The following NRG2 variants were observed in gnomAD, a reference collection of about 807,000 sequenced individuals.
NRG2 encodes pro-neuregulin-2, membrane-bound isoform.
NRG2 carries 27 observed loss-of-function variants against 73.9 expected under a neutral mutation model. That is an observed-to-expected ratio of 0.37 (90% CI 0.27 to 0.50). The LOEUF (loss-of-function observed/expected upper bound fraction) is 0.50. Among genes scored for constraint, NRG2 ranks in the 20% least tolerant of loss-of-function variants. The probability of loss-of-function intolerance (pLI) is 0.96; values close to 1 mark genes in which losing one functional copy is unlikely to be tolerated. For synonymous variants in NRG2, 532 were observed against 541.0 expected (o/e 0.98, Z 0.23); for missense variants, 1,126 against 1,210.1 (o/e 0.93, Z 1.03).
chr5:139,867,513 A>G (rs1044069906), intron 4 of NRG2, among the ~76,000 whole-genome samples: 2 of 152,120 alleles, frequency 1.3e-5, no homozygotes, highest in Non-Finnish European at 2.9e-5. Context: ...GCTCAGGTAA[A>G]TGGAGGTAGT....
intron 1 of NRG2, among the ~76,000 whole-genome samples, chr5:139,955,441 G>A (rs1754547976): frequency 6.6e-6 from 1 of 152,154 alleles, no homozygotes; most frequent in African/African-American, 2.4e-5. Context: ...GGGAGGAATA[G>A]TGAAAGCTGA....
At chr5:140,017,205 T>C (rs1759857044) in intron 1 of NRG2, among the ~76,000 whole-genome samples, 1 of 151,916 alleles carries the variant, frequency 6.6e-6, no homozygotes, top group East Asian at 1.9e-4. Flanking sequence ...GGGGAGTGGG[T>C]AAGAAAGAAG....
intron 1 of NRG2, among the ~76,000 whole-genome samples, chr5:139,952,845 G>A (rs144131567): frequency 6.6e-6 from 1 of 152,286 alleles, no homozygotes; most frequent in African/African-American, 2.4e-5. Context: ...GAGGCTGCAG[G>A]CCTGGGTTCA....
At chr5:139,888,115 AACACACACAC>A in intron 1 of NRG2, among the ~76,000 whole-genome samples, 1 of 148,906 alleles carries the variant, frequency 6.7e-6, no homozygotes, top group East Asian at 2.0e-4. Flanking sequence ...AAAACAAAAC[AACACACACAC>A]ACACACACAC....
At position 139,894,080 on chromosome 5, in the gene NRG2, C is replaced by G. The variant is rs184275314; in HGVS notation, c.701-6569G>C. Among the ~76,000 whole-genome samples the G allele has an allele frequency of 2.5e-3, 378 of 152,350 alleles. No homozygotes were observed. Among genetic ancestry groups the G allele is most frequent in the African/African-American group, 8.9e-3 (370 of 41,584 alleles). ...GACCAGGGGGTGCCGCTGCTGCCAG[C>G]AGCTTAACCTCATTCCTCTCGGCAG... On this transcript the variant is annotated intron_variant, in intron 1 of 9. Transcript: ENST00000361474. The surrounding 1 kb of genome is among the most constrained non-coding windows in gnomAD (Gnocchi z 5.0).
At chr5:140,001,291 C>T (rs1362386446) in intron 1 of NRG2, among the ~76,000 whole-genome samples, 2 of 152,168 alleles carry the variant, frequency 1.3e-5, no homozygotes, top group Admixed American at 1.3e-4. Flanking sequence ...CCACGGTGCC[C>T]CATACTTAAG....
At chr5:139,961,089 A>T (rs976387780) in intron 1 of NRG2, among the ~76,000 whole-genome samples, 2 of 152,228 alleles carry the variant, frequency 1.3e-5, no homozygotes, top group Admixed American at 1.3e-4. Context: ...CTGCTATTAC[A>T]GCTAATGACA....
chr5:139,865,075 A>T lies in NRG2; in HGVS notation c.1189+474T>A. Reference sequence around the variant, plus strand: ...CATCCCTCCCCAGGGGGAGACTGTCAGTCACCAGGGAAGAGAAGAAATAGA... The same window carrying T: ...CATCCCTCCCCAGGGGGAGACTGTCTGTCACCAGGGAAGAGAAGAAATAGA... On this transcript the variant is annotated intron_variant, in intron 5 of 9. Coordinates refer to ENST00000361474, the MANE Select transcript of NRG2 (RefSeq NM_004883.3). This position sits in a 1 kb window ranked among gnomAD's most constrained non-coding sequence, Gnocchi z 5.2. The T allele has an allele frequency of 6.4e-7, 1 of 1,557,102 alleles. No individual in the cohort carries two copies. The highest frequency in any genetic ancestry group is 8.9e-7 in the Non-Finnish European group (1 of 1,128,218).
In NRG2 at chr5:139,871,747, G is replaced by A. The variant is rs139698006; in HGVS notation, c.1086C>T (p.Ile362=). The change falls in exon 4 of 10, where the codon ATC becomes ATT. Residue 362 remains isoleucine, a synonymous_variant. Coordinates refer to ENST00000361474, the MANE Select transcript of NRG2 (RefSeq NM_004883.3). ...TGCAGGAGAGCTGGTTGATGCCCTC[G>A]ATGTAGTAGCAGACGCCTCCATTGA... The part of the protein sequence containing the change: ...YCVNGGVCYY[I]EGINQLSCKC... 33 of 1,614,070 alleles carry A rather than the reference G, an allele frequency of 2.0e-5. 1 individual carries two copies. Among genetic ancestry groups the A allele is most frequent in the East Asian group, 1.8e-4 (8 of 44,882 alleles).
rs532932179 is a variant in NRG2, at chr5:139,868,402, G to C, written c.1113-2777C>G. On this transcript the variant is annotated intron_variant, in intron 4 of 9. Coordinates refer to ENST00000361474, the MANE Select transcript of NRG2 (RefSeq NM_004883.3). This position sits in a 1 kb window ranked among gnomAD's most constrained non-coding sequence, Gnocchi z 4.2. ...AACTCAGCATTGGGGGCTGGGTGGT[G>C]GTTGGTGGTTTCCACTGAAACTGGG... Among the ~76,000 whole-genome samples the C allele has an allele frequency of 3.3e-5, 5 of 152,126 alleles. No homozygotes were observed. Among genetic ancestry groups the C allele is most frequent in the Admixed American group, 1.3e-4 (2 of 15,290 alleles).
At chr5:139,987,208 C>T (rs1757228498) in intron 1 of NRG2, among the ~76,000 whole-genome samples, 1 of 143,382 alleles carries the variant, frequency 7.0e-6, no homozygotes, top group African/African-American at 2.6e-5. Context: ...CCCATCTCTA[C>T]TAAAATACAA....
Position 139,868,091 on chromosome 5 carries a change from C to T in NRG2, c.1113-2466G>A, listed in dbSNP as rs1040446559. Among the ~76,000 whole-genome samples the T allele has an allele frequency of 1.3e-5, 2 of 152,034 alleles. No individual in the cohort carries two copies. The highest frequency in any genetic ancestry group is 2.4e-5 in the African/African-American group (1 of 41,362). On this transcript the variant is annotated intron_variant, in intron 4 of 9. Coordinates refer to ENST00000361474, the MANE Select transcript of NRG2 (RefSeq NM_004883.3). This position sits in a 1 kb window ranked among gnomAD's most constrained non-coding sequence, Gnocchi z 4.2. ...TCCTTCCTTGAGAAAATGTGCTCCC[C>T]GCTGGCTGAACAAAACAAAAGGCAC...
chr5:139,989,812 CAG>C (rs367680154), intron 1 of NRG2, among the ~76,000 whole-genome samples: 12 of 149,688 alleles, frequency 8.0e-5, no homozygotes, highest in African/African-American at 2.9e-4. Flanking sequence ...TTTTTTGAGA[CAG>C]AGTCTTGCCT....
At chr5:140,016,807 C>A (rs1030594991) in intron 1 of NRG2, among the ~76,000 whole-genome samples, 3 of 152,306 alleles carry the variant, frequency 2.0e-5, no homozygotes, top group African/African-American at 7.2e-5. Flanking sequence ...GGGGACAACA[C>A]GTACAACTGG....
intron 1 of NRG2, among the ~76,000 whole-genome samples, chr5:139,985,802 C>T (rs944060925): frequency 6.6e-6 from 1 of 152,176 alleles, no homozygotes; most frequent in Non-Finnish European, 1.5e-5. Context: ...TTACACCTTT[C>T]GCTTCATTGA....
chr5:139,987,958 T>C (rs1757300904), intron 1 of NRG2, among the ~76,000 whole-genome samples: 1 of 152,128 alleles, frequency 6.6e-6, no homozygotes, highest in African/African-American at 2.4e-5. Flanking sequence ...GTATTTTCAG[T>C]AGAGATGGGG....
Position 139,869,926 on chromosome 5 carries a change from G to C in NRG2, c.1112+1795C>G, listed in dbSNP as rs1217904184. 6.6e-6 allele frequency among the ~76,000 whole-genome samples: 1 copy of C among 152,172 alleles called. No homozygotes were observed. The highest frequency in any genetic ancestry group is 2.4e-5 in the African/African-American group (1 of 41,430). ...GGCCCCCATGGCCCTCCTCAGCCCT[G>C]GCACCTGTCCTGAGGGGCCAGAACC... On this transcript the variant is annotated intron_variant, in intron 4 of 9. Transcript: ENST00000361474. The surrounding 1 kb of genome is among the most constrained non-coding windows in gnomAD (Gnocchi z 4.5).
At chr5:139,953,403 A>G (rs1754375657) in intron 1 of NRG2, among the ~76,000 whole-genome samples, 1 of 152,124 alleles carries the variant, frequency 6.6e-6, no homozygotes, top group Non-Finnish European at 1.5e-5. Flanking sequence ...GGCATTCTGG[A>G]TGCTTCTGGC....
intron 1 of NRG2, among the ~76,000 whole-genome samples, chr5:139,951,547 G>T (rs947726572): frequency 2.0e-5 from 3 of 151,578 alleles, no homozygotes; most frequent in African/African-American, 7.3e-5. Context: ...CTGATGGAAC[G>T]ATGAGCTAAC....
Sources: gnomAD v4.1 joint callset for allele counts (sites outside exome capture counted in the v4.1 genomes callset) on GRCh38, gnomAD v4.1.1 for gene constraint, Gnocchi (gnomAD v3.1) non-coding constraint, MANE v1.5 for transcripts, NCBI Gene and HGNC (gene_info 2026-07-23, HGNC 2026-07-21) for gene names.